Variants in KDM4C observed in about 807,000 individuals in gnomAD.
The protein encoded by KDM4C is lysine-specific demethylase 4C.
In KDM4C, 81 loss-of-function variants were observed where a neutral mutation model predicts 129.3. That is an observed-to-expected ratio of 0.63 (90% CI 0.52 to 0.75). KDM4C has a LOEUF of 0.75. Among genes scored for constraint, KDM4C ranks in the 30% least tolerant of loss-of-function variants. The pLI is 0.00. For missense variants in KDM4C, 1,457 were observed against 1,304.0 expected, an observed-to-expected ratio of 1.12 and a Z score of -1.81; for synonymous variants, 573 against 456.1, an observed-to-expected ratio of 1.26 and a Z score of -3.26.
intron 10 of KDM4C, 101 bp from the exon 11 acceptor site, chr9:6,986,243 A>ATG: frequency 1.3e-6 from 1 of 751,106 alleles, no homozygotes; most frequent in Non-Finnish European, 2.2e-6. Context: ...ATGCGTGTGT[A>ATG]TGTGTGTGTA....
At chr9:7,087,712 AAAG>A (rs1234919858) in intron 17 of KDM4C, among the ~76,000 whole-genome samples, 2 of 152,238 alleles carry the variant, frequency 1.3e-5, no homozygotes, top group Non-Finnish European at 2.9e-5. Flanking sequence ...ACAAAACGTG[AAAG>A]AAGAGCCTGT....
chr9:6,967,896 C>T (rs1225025881), intron 8 of KDM4C, among the ~76,000 whole-genome samples: 1 of 152,074 alleles, frequency 6.6e-6, no homozygotes, highest in Non-Finnish European at 1.5e-5. Flanking sequence ...TATGGCTTTT[C>T]ATAAGTAAAT....
chr9:6,861,182 G>A (rs1387607989), intron 5 of KDM4C, among the ~76,000 whole-genome samples: 3 of 152,060 alleles, frequency 2.0e-5, no homozygotes, highest in Non-Finnish European at 4.4e-5. Flanking sequence ...AGCTCTAATG[G>A]TCAGTTTTAC....
At chr9:6,989,465 A>T (rs79413707) in intron 11 of KDM4C, among the ~76,000 whole-genome samples, 1,988 of 152,304 alleles carry the variant, frequency 0.013, 24 homozygotes, top group East Asian at 0.033. Flanking sequence ...AAGGATACAC[A>T]TGACTTTCTA....
intron 17 of KDM4C, among the ~76,000 whole-genome samples, chr9:7,079,683 C>T (rs1834312789): frequency 6.6e-6 from 1 of 152,324 alleles, no homozygotes; most frequent in South Asian, 2.1e-4. Flanking sequence ...ATGGCACTTA[C>T]ACTCTGCATA....
rs560039142 is a variant in KDM4C at position 7,068,535 on chromosome 9, A to C, written c.2424+19335A>C. 1.1e-4 allele frequency among the ~76,000 whole-genome samples: 16 copies of C among 152,196 alleles called. No individual in the cohort carries two copies. In the South Asian group the frequency reaches 3.3e-3, roughly 32 times the overall value. ...CACCTGTCAACTCTGCCACATGCTA[A>C]TTATTTCAGAACGTGCCAGCTGCCT... is the stretch of plus-strand genomic sequence containing the variant. On this transcript the variant is annotated intron_variant, in intron 17 of 21. Coordinates refer to ENST00000381309, the MANE Select transcript of KDM4C (RefSeq NM_015061.6).
At chr9:6,921,382 C>G (rs1487409532) in intron 8 of KDM4C, among the ~76,000 whole-genome samples, 4 of 152,182 alleles carry the variant, frequency 2.6e-5, no homozygotes, top group African/African-American at 9.7e-5. Flanking sequence ...AAAGTGCTGT[C>G]AAAAGACTTC....
chr9:6,892,452 A>G (rs1023892534), intron 7 of KDM4C, among the ~76,000 whole-genome samples: 2 of 152,190 alleles, frequency 1.3e-5, no homozygotes, highest in East Asian at 1.9e-4. Flanking sequence ...TACATTTAAA[A>G]TTCTTTTTTA....
chr9:6,755,843 C>A (rs919227757), upstream of KDM4C, among the ~76,000 whole-genome samples: 2 of 152,220 alleles, frequency 1.3e-5, no homozygotes, highest in Non-Finnish European at 2.9e-5. Context: ...AGTAGGCTCT[C>A]TTCACTTTCC....
intron 18 of KDM4C, among the ~76,000 whole-genome samples, chr9:7,112,467 A>T (rs1278444469): frequency 6.6e-6 from 1 of 152,178 alleles, no homozygotes; most frequent in African/African-American, 2.4e-5. Context: ...AAGGGTCTTG[A>T]TTATGAGGAC....
chr9:7,076,978 T>G, intron 17 of KDM4C: 1 of 985,702 alleles, frequency 1.0e-6, no homozygotes, highest in Non-Finnish European at 1.2e-6. Flanking sequence ...GAGGCTTGAA[T>G]CTAAGAGAAT....
At chr9:6,970,976 T>C (rs1300738206) in intron 8 of KDM4C, among the ~76,000 whole-genome samples, 1 of 152,184 alleles carries the variant, frequency 6.6e-6, no homozygotes, top group East Asian at 1.9e-4. Context: ...GGAAAGGGTT[T>C]TGCATTTTGA....
intron 12 of KDM4C, among the ~76,000 whole-genome samples, chr9:6,991,123 C>G (rs559479034): frequency 6.6e-6 from 1 of 152,038 alleles, no homozygotes; most frequent in African/African-American, 2.4e-5. Flanking sequence ...GTTATTCATG[C>G]TGGAGTGCAG....
chr9:6,935,108 G>A (rs1476971426), intron 8 of KDM4C, among the ~76,000 whole-genome samples: 1 of 152,010 alleles, frequency 6.6e-6, no homozygotes, highest in Non-Finnish European at 1.5e-5. Flanking sequence ...AGAAGAATGA[G>A]TATTGTTTAA....
chr9:7,114,296 G>A (rs1360725685), intron 18 of KDM4C, among the ~76,000 whole-genome samples: 2 of 152,096 alleles, frequency 1.3e-5, no homozygotes, highest in Non-Finnish European at 2.9e-5. Context: ...TGTCAGCTAG[G>A]AATTCATGTT....
intron 4 of KDM4C, among the ~76,000 whole-genome samples, chr9:6,838,135 AGGTTGG>A (rs1474627631): frequency 6.6e-6 from 1 of 152,198 alleles, no homozygotes; most frequent in Non-Finnish European, 1.5e-5. Flanking sequence ...CCTCTCCTTC[AGGTTGG>A]ACTGGACATT....
At chr9:6,868,115 A>T (rs942685827) in intron 5 of KDM4C, among the ~76,000 whole-genome samples, 5 of 151,960 alleles carry the variant, frequency 3.3e-5, no homozygotes, top group Non-Finnish European at 7.4e-5. Flanking sequence ...CTCGCACCAA[A>T]CCCTCCCTGG....
intron 1 of KDM4C, among the ~76,000 whole-genome samples, chr9:6,784,661 G>A (rs900451918): frequency 6.6e-6 from 1 of 152,240 alleles, no homozygotes; most frequent in Non-Finnish European, 1.5e-5. Flanking sequence ...CAGCAGGCAG[G>A]TGGAACAAGA....
At chr9:6,800,115 C>G (rs997066298) in intron 2 of KDM4C, among the ~76,000 whole-genome samples, 1 of 152,096 alleles carries the variant, frequency 6.6e-6, no homozygotes, top group African/African-American at 2.4e-5. Flanking sequence ...CGCCTGTAAT[C>G]CCAGCACTTT....
Sources: gnomAD v4.1 joint callset for allele counts (sites outside exome capture counted in the v4.1 genomes callset) on GRCh38, gnomAD v4.1.1 for gene constraint, MANE v1.5 for transcripts, NCBI Gene and HGNC (gene_info 2026-07-23, HGNC 2026-07-21) for gene names.